APAF1: variants seen among roughly 807,000 people sequenced by gnomAD.
APAF1 encodes apoptotic peptidase activating factor 1.
In APAF1, 91 loss-of-function variants were observed where a neutral mutation model predicts 152.4. The ratio of observed to expected loss-of-function variants is 0.60; its 90% CI spans 0.50 to 0.71. APAF1 has a LOEUF of 0.71. APAF1 is among the 30% of genes least tolerant of loss of function. APAF1 has a pLI of 0.00. For missense variants in APAF1, 1,283 were observed against 1,472.0 expected (o/e 0.87, Z 2.10); for synonymous variants, 484 against 494.1 (o/e 0.98, Z 0.27).
Position 98,671,729 on chromosome 12 carries a change from T to C in APAF1, c.1793+10T>C. On this transcript the variant is annotated intron_variant, in intron 12 of 26. Transcript: ENST00000551964. ...TTTACCTGGAATGGATGTAAGTAGG[T>C]TAGGAGAGAAACCAAAGGGAGTGGT... 1 of 1,613,646 alleles carries C rather than the reference T, an allele frequency of 6.2e-7. No homozygotes were observed. The highest frequency in any genetic ancestry group is 1.7e-5 in the Admixed American group (1 of 60,004).
intron 5 of APAF1, among the ~76,000 whole-genome samples, chr12:98,660,552 T>A (rs538629265): frequency 1.3e-5 from 2 of 152,362 alleles, no homozygotes; most frequent in African/African-American, 4.8e-5. Context: ...ACAGTTTTCA[T>A]TAGCCAAAAG....
intron 25 of APAF1, among the ~76,000 whole-genome samples, chr12:98,726,215 T>C (rs1392627183): frequency 6.6e-6 from 1 of 152,224 alleles, no homozygotes; most frequent in Non-Finnish European, 1.5e-5. Flanking sequence ...AAACAATCTT[T>C]TTAGGAGGCT....
chr12:98,706,720 TA>T, intron 19 of APAF1, 110 bp downstream of exon 19: 1 of 1,240,824 alleles, frequency 8.1e-7, no homozygotes, highest in South Asian at 1.2e-5. Context: ...AGGAAACTAG[TA>T]CTATATTCCT....
At chr12:98,692,226 G>A (rs1273243261) in intron 16 of APAF1, among the ~76,000 whole-genome samples, 16 of 152,132 alleles carry the variant, frequency 1.1e-4, no homozygotes, top group Admixed American at 6.5e-4. Flanking sequence ...GGGAGTACAG[G>A]CGCCCGCTGC....
intron 17 of APAF1, among the ~76,000 whole-genome samples, chr12:98,701,194 G>T (rs1395530775): frequency 1.3e-5 from 2 of 152,090 alleles, no homozygotes; most frequent in Non-Finnish European, 2.9e-5. Context: ...TGAGTGATTT[G>T]TGTGATCTGT....
At chr12:98,690,388 T>C (rs1261691222) in intron 16 of APAF1, among the ~76,000 whole-genome samples, 2 of 152,248 alleles carry the variant, frequency 1.3e-5, no homozygotes, top group Non-Finnish European at 2.9e-5. Flanking sequence ...ATGATCCATG[T>C]CATGGGAGGT....
At chr12:98,686,673 AG>A in intron 15 of APAF1, 74 bp from the exon 16 acceptor site, 1 of 1,427,782 alleles carries the variant, frequency 7.0e-7, no homozygotes, top group Non-Finnish European at 9.7e-7. Flanking sequence ...GAGAAAAGGA[AG>A]AACTTCACAT....
intron 22 of APAF1, among the ~76,000 whole-genome samples, chr12:98,721,626 C>T (rs2097742960): frequency 6.6e-6 from 1 of 152,132 alleles, no homozygotes; most frequent in Non-Finnish European, 1.5e-5. Flanking sequence ...ATTACTAATT[C>T]ATTCTCTTTA....
At chr12:98,715,652 G>A (rs748622554) in intron 22 of APAF1, 100 bp downstream of exon 22, 80 of 1,363,148 alleles carry the variant, frequency 5.9e-5, no homozygotes, top group Middle Eastern at 1.8e-4. Flanking sequence ...AACACATTAC[G>A]TTGGGCATAC....
chr12:98,651,211 G>A (rs2097648546), intron 4 of APAF1, among the ~76,000 whole-genome samples: 1 of 152,150 alleles, frequency 6.6e-6, no homozygotes, highest in Non-Finnish European at 1.5e-5. Context: ...GCTTATTATA[G>A]TAGATCTGTA....
At chr12:98,660,223 G>A (rs2097663290) in intron 5 of APAF1, among the ~76,000 whole-genome samples, 1 of 152,098 alleles carries the variant, frequency 6.6e-6, no homozygotes, top group Admixed American at 6.5e-5. Context: ...GTACACACCT[G>A]TGGTCCCAGC....
chr12:98,662,629 G>A (rs1187883556), intron 6 of APAF1, 46 bp from the exon 7 acceptor site: 2 of 1,607,776 alleles, frequency 1.2e-6, no homozygotes, highest in African/African-American at 1.3e-5. Flanking sequence ...ATTTAAATAT[G>A]TGACATACCA....
chr12:98,716,743 T>C (rs2097735147), intron 22 of APAF1, among the ~76,000 whole-genome samples: 2 of 152,214 alleles, frequency 1.3e-5, no homozygotes, highest in South Asian at 2.1e-4. Context: ...TTTGATTCTT[T>C]CCTTTTTGTT....
chr12:98,665,894 G>A (rs2097672099), intron 8 of APAF1, 103 bp downstream of exon 8: 6 of 1,042,808 alleles, frequency 5.8e-6, no homozygotes, highest in Non-Finnish European at 8.9e-6. Context: ...ATAAGACCCA[G>A]GGGACTGAGG....
At chr12:98,653,690 AAATATATATAT>A (rs2097652358) in intron 4 of APAF1, among the ~76,000 whole-genome samples, 1 of 61,024 alleles carries the variant, frequency 1.6e-5, no homozygotes, top group African/African-American at 6.5e-5. Flanking sequence ...AAAAAAAAAA[AAATATATATAT>A]ATATATATAT....
intron 12 of APAF1, among the ~76,000 whole-genome samples, chr12:98,675,378 C>G (rs2097685400): frequency 6.6e-6 from 1 of 152,148 alleles, no homozygotes; most frequent in African/African-American, 2.4e-5. Context: ...ATTTTAAAAT[C>G]TAATCCTCTT....
chr12:98,666,157 T>G, intron 8 of APAF1, 33 bp from the exon 9 acceptor site: 2 of 1,603,410 alleles, frequency 1.2e-6, no homozygotes, highest in Non-Finnish European at 1.7e-6. Flanking sequence ...ATTGTACTTT[T>G]GTGGCATATT....
chr12:98,677,624 T>C, intron 13 of APAF1, 73 bp downstream of exon 13: 6 of 1,590,460 alleles, frequency 3.8e-6, no homozygotes, highest in Non-Finnish European at 5.1e-6. Flanking sequence ...TATGTTTAAA[T>C]CCTAAAATTC....
intron 12 of APAF1, among the ~76,000 whole-genome samples, chr12:98,674,457 C>G (rs2097684363): frequency 6.6e-6 from 1 of 152,118 alleles, no homozygotes; most frequent in Non-Finnish European, 1.5e-5. Flanking sequence ...CTCTCTCTCT[C>G]TCTCTGAGAA....
Sources: gnomAD v4.1 joint callset for allele counts (sites outside exome capture counted in the v4.1 genomes callset) on GRCh38, gnomAD v4.1.1 for gene constraint, MANE v1.5 for transcripts, NCBI Gene and HGNC (gene_info 2026-07-23, HGNC 2026-07-21) for gene names.